Variants in EPHA3 observed in about 807,000 individuals in gnomAD.
EPHA3 encodes the protein ephrin type-A receptor 3.
EPHA3 carries 42 observed loss-of-function variants against 107.1 expected under a neutral mutation model. That is an observed-to-expected ratio of 0.39 (90% CI 0.31 to 0.51). EPHA3 has a LOEUF of 0.51. EPHA3 is among the 20% of genes least tolerant of loss of function. The pLI is 0.78. For synonymous variants in EPHA3, 461 were observed against 424.8 expected (o/e 1.09, Z -1.05); for missense variants, 1,183 against 1,211.2 (o/e 0.98, Z 0.35).
chr3:89,389,174 G>T (rs569146731), intron 5 of EPHA3, among the ~76,000 whole-genome samples: 1 of 152,204 alleles, frequency 6.6e-6, no homozygotes, highest in African/African-American at 2.4e-5. Context: ...ACCAGGTTTG[G>T]GGAAATCAGT....
intron 2 of EPHA3, among the ~76,000 whole-genome samples, chr3:89,186,778 A>G (rs1705577773): frequency 6.6e-6 from 1 of 152,134 alleles, no homozygotes; most frequent in Non-Finnish European, 1.5e-5. Context: ...CATGTTGTGA[A>G]TTGGGAATTC....
At chr3:89,209,475 T>C (rs1414409962) in intron 2 of EPHA3, among the ~76,000 whole-genome samples, 2 of 152,174 alleles carry the variant, frequency 1.3e-5, no homozygotes, top group Non-Finnish European at 2.9e-5. Context: ...TTAATAAGCA[T>C]GAATTTTAGG....
intron 5 of EPHA3, among the ~76,000 whole-genome samples, chr3:89,379,495 A>G (rs1708460785): frequency 6.6e-6 from 1 of 152,180 alleles, no homozygotes; most frequent in Non-Finnish European, 1.5e-5. Flanking sequence ...TTTTAATTGA[A>G]ATTTGATAAT....
At chr3:89,240,437 A>T (rs1175885527) in intron 3 of EPHA3, among the ~76,000 whole-genome samples, 1 of 152,144 alleles carries the variant, frequency 6.6e-6, no homozygotes, top group Non-Finnish European at 1.5e-5. Flanking sequence ...CATTTGTATT[A>T]TTTTAAAGGA....
At chr3:89,256,572 GAAAT>G (rs370171364) in intron 3 of EPHA3, among the ~76,000 whole-genome samples, 5,877 of 148,652 alleles carry the variant, frequency 0.04, 411 homozygotes, top group Admixed American at 0.2. Flanking sequence ...CAAAAATAAG[GAAAT>G]AAATAAATAA....
intron 5 of EPHA3, among the ~76,000 whole-genome samples, chr3:89,377,502 T>C (rs1317818001): frequency 1.3e-5 from 2 of 152,106 alleles, no homozygotes; most frequent in Admixed American, 6.6e-5. Flanking sequence ...GAAGGTAAGG[T>C]ATAACATAGA....
intron 1 of EPHA3, among the ~76,000 whole-genome samples, chr3:89,111,784 T>C (rs1292375013): frequency 1.3e-5 from 2 of 152,142 alleles, no homozygotes; most frequent in African/African-American, 4.8e-5. Flanking sequence ...TCTATAATAA[T>C]AATTTGAGTG....
At chr3:89,359,828 T>TACGC (rs779168397) in intron 5 of EPHA3, among the ~76,000 whole-genome samples, 1 of 134,040 alleles carries the variant, frequency 7.5e-6, no homozygotes. Context: ...TATACATATA[T>TACGC]ATATACATAT....
chr3:89,269,844 A>T (rs969393266), intron 3 of EPHA3, among the ~76,000 whole-genome samples: 16 of 146,822 alleles, frequency 1.1e-4, no homozygotes, highest in Non-Finnish European at 1.6e-4. Context: ...TATGACAAAA[A>T]TTTTTTTAAC....
intron 2 of EPHA3, among the ~76,000 whole-genome samples, chr3:89,166,889 G>A (rs935974880): frequency 6.6e-6 from 1 of 152,138 alleles, no homozygotes; most frequent in Non-Finnish European, 1.5e-5. Flanking sequence ...CAGCAACCCA[G>A]CAAGTATGAT....
intron 2 of EPHA3, among the ~76,000 whole-genome samples, chr3:89,205,258 A>C (rs1170977715): frequency 6.6e-6 from 1 of 152,234 alleles, no homozygotes; most frequent in East Asian, 1.9e-4. Context: ...ATTAATATCA[A>C]CAATAAATAT....
chr3:89,197,113 A>G (rs1705853556), intron 2 of EPHA3, among the ~76,000 whole-genome samples: 1 of 152,184 alleles, frequency 6.6e-6, no homozygotes, highest in Non-Finnish European at 1.5e-5. Context: ...TAAGGATAAA[A>G]TCCAAAGTCT....
At chr3:89,200,235 A>G (rs1460593357) in intron 2 of EPHA3, among the ~76,000 whole-genome samples, 1 of 152,186 alleles carries the variant, frequency 6.6e-6, no homozygotes, top group African/African-American at 2.4e-5. Flanking sequence ...AAAATTAAAG[A>G]TATCAATTTA....
At chr3:89,452,710 G>C (rs1386486207) in intron 15 of EPHA3, among the ~76,000 whole-genome samples, 1 of 151,896 alleles carries the variant, frequency 6.6e-6, no homozygotes, top group Non-Finnish European at 1.5e-5. Flanking sequence ...AATCCCTCCT[G>C]TTTAATTTGG....
At chr3:89,131,793 C>T (rs529571907) in intron 2 of EPHA3, among the ~76,000 whole-genome samples, 5 of 152,296 alleles carry the variant, frequency 3.3e-5, no homozygotes, top group Admixed American at 6.5e-5. Context: ...TTATTGATGT[C>T]TTAGCGGTGA....
intron 14 of EPHA3, 99 bp downstream of exon 14, chr3:89,449,473 C>A (rs906508996): frequency 2.0e-6 from 2 of 995,954 alleles, no homozygotes; most frequent in East Asian, 2.7e-5. Context: ...TGGTTTATAA[C>A]ACTGAAATAA....
At chr3:89,447,451 C>G (rs1007044317) in intron 13 of EPHA3, among the ~76,000 whole-genome samples, 3 of 152,178 alleles carry the variant, frequency 2.0e-5, no homozygotes, top group African/African-American at 7.2e-5. Context: ...TCTCCCTGAA[C>G]AGCTCATTTG....
intron 14 of EPHA3, 142 bp from the exon 15 acceptor site, chr3:89,450,035 A>T (rs953739055): frequency 1.7e-6 from 1 of 575,624 alleles, no homozygotes; most frequent in Non-Finnish European, 3.0e-6. Context: ...ATCAGTTGTT[A>T]TCCTTTTAGG....
chr3:89,468,746 C>T (rs1289976520), intron 15 of EPHA3, among the ~76,000 whole-genome samples: 1 of 152,120 alleles, frequency 6.6e-6, no homozygotes, highest in African/African-American at 2.4e-5. Flanking sequence ...ATGACTTATC[C>T]AATGAGTCTA....
Sources: allele counts gnomAD v4.1 joint callset (sites outside exome capture counted in the v4.1 genomes callset), GRCh38; gene constraint gnomAD v4.1.1; transcripts MANE v1.5; gene names NCBI Gene and HGNC (gene_info 2026-07-23, HGNC 2026-07-21).